Variants in ANO10 observed in about 807,000 individuals in gnomAD.
The protein encoded by ANO10 is anoctamin-10.
In ANO10, 77 loss-of-function variants were observed where a neutral mutation model predicts 74.7. The ratio of observed to expected loss-of-function variants is 1.03; its 90% confidence interval spans 0.86 to 1.25. The LOEUF (loss-of-function observed/expected upper bound fraction) is 1.25, where lower values mean the gene tolerates loss of function less well. ANO10 is among the 50% of genes most tolerant of loss of function. The probability of loss-of-function intolerance (pLI) is 0.00; values close to 1 mark genes in which losing one functional copy is unlikely to be tolerated. For synonymous variants in ANO10, 279 were observed against 284.9 expected (o/e 0.98, Z 0.21); for missense variants, 721 against 778.1 (o/e 0.93, Z 0.87).
At chr3:43,453,115 G>A (rs1488065091) in intron 11 of ANO10, among the ~76,000 whole-genome samples, 1 of 151,328 alleles carries the variant, frequency 6.6e-6, no homozygotes, top group Non-Finnish European at 1.5e-5. Flanking sequence ...CAACCTTTCT[G>A]TGGTGTCCTT....
chr3:43,541,810 T>C (rs540245494), intron 11 of ANO10, among the ~76,000 whole-genome samples: 3 of 152,344 alleles, frequency 2.0e-5, no homozygotes, highest in African/African-American at 7.2e-5. Flanking sequence ...AGCCACGTGA[T>C]TGTCATACAG....
chr3:43,643,167 G>C (rs1394645282), intron 1 of ANO10, among the ~76,000 whole-genome samples: 1 of 151,582 alleles, frequency 6.6e-6, no homozygotes, highest in Non-Finnish European at 1.5e-5. Context: ...GAGTAGCTGG[G>C]ACTACAGGCA....
chr3:43,552,696 GGATATATA>G (rs1371159755), intron 10 of ANO10, among the ~76,000 whole-genome samples: 864 of 51,146 alleles, frequency 0.017, 13 homozygotes, highest in Non-Finnish European at 0.026. Context: ...TATTATCTCT[GGATATATA>G]TATATATATA....
At chr3:43,600,923 A>C (rs914849576) in intron 2 of ANO10, among the ~76,000 whole-genome samples, 2 of 152,218 alleles carry the variant, frequency 1.3e-5, no homozygotes, top group African/African-American at 4.8e-5. Flanking sequence ...AAATAGACGA[A>C]AATTTAAGAA....
chr3:43,635,006 G>A (rs1259060132), intron 1 of ANO10, among the ~76,000 whole-genome samples: 1 of 152,108 alleles, frequency 6.6e-6, no homozygotes, highest in East Asian at 1.9e-4. Context: ...AGGAAAGCAT[G>A]GTGTGGACTA....
chr3:43,470,064 C>T (rs2075788554), intron 11 of ANO10, among the ~76,000 whole-genome samples: 1 of 152,134 alleles, frequency 6.6e-6, no homozygotes, highest in African/African-American at 2.4e-5. Context: ...CATAATTGCC[C>T]AAACTGGAAG....
intron 11 of ANO10, among the ~76,000 whole-genome samples, chr3:43,451,085 T>C (rs1479606622): frequency 3.3e-5 from 5 of 152,212 alleles, no homozygotes; most frequent in African/African-American, 4.8e-5. Flanking sequence ...TTACTTTGAA[T>C]CATGGTCCCT....
chr3:43,640,421 T>C (rs188683209), intron 1 of ANO10, among the ~76,000 whole-genome samples: 1 of 152,118 alleles, frequency 6.6e-6, no homozygotes, highest in Admixed American at 6.6e-5. Flanking sequence ...AGTGGAGAAC[T>C]TGCCATCTTT....
chr3:43,669,256 AG>A (rs2084027157), intron 1 of ANO10, among the ~76,000 whole-genome samples: 1 of 152,192 alleles, frequency 6.6e-6, no homozygotes, highest in African/African-American at 2.4e-5. Flanking sequence ...TAAAAGGAAC[AG>A]AATCCTCCAG....
intron 1 of ANO10, among the ~76,000 whole-genome samples, chr3:43,630,682 C>A (rs924831278): frequency 9.9e-5 from 15 of 152,190 alleles, no homozygotes; most frequent in African/African-American, 3.1e-4. Context: ...ATTCATTTCC[C>A]TAAGACTGCT....
At chr3:43,562,785 T>C (rs908317566) in intron 8 of ANO10, among the ~76,000 whole-genome samples, 8 of 152,008 alleles carry the variant, frequency 5.3e-5, no homozygotes, top group African/African-American at 1.7e-4. Flanking sequence ...TAGACCCCTC[T>C]CTATCACCAC....
At chr3:43,385,021 T>C (rs1188994200) in intron 12 of ANO10, among the ~76,000 whole-genome samples, 5 of 152,002 alleles carry the variant, frequency 3.3e-5, no homozygotes, top group Non-Finnish European at 7.4e-5. Context: ...AATCTATATA[T>C]ACAACCAACA....
chr3:43,411,746 T>C, intron 12 of ANO10, among the ~76,000 whole-genome samples: 1 of 152,196 alleles, frequency 6.6e-6, no homozygotes. Flanking sequence ...CATCTAAAAA[T>C]GCCTCAGTCT....
At position 43,485,138 on chromosome 3, in the gene ANO10, C is replaced by G. The variant is rs546477141; in HGVS notation, c.1798-52411G>C. 9.4e-4 allele frequency: 778 copies of G among 828,166 alleles called. 11 individuals carry two copies. The highest frequency in any genetic ancestry group is 2.9e-3 in the South Asian group (203 of 70,990). 51.3% of individuals were successfully genotyped at this position (828,166 alleles called of 1,614,324 possible). On this transcript the variant is annotated intron_variant, in intron 11 of 12. Transcript: ENST00000292246. The stretch of plus-strand genomic sequence containing the variant: ...CTCCACCTTCATCTGGTGGAGTGAT[C>G]TGGATGGAGTGGGCCCTGGCGCGGT...
At chr3:43,635,126 T>C (rs1426492833) in intron 1 of ANO10, among the ~76,000 whole-genome samples, 1 of 152,192 alleles carries the variant, frequency 6.6e-6, no homozygotes, top group Non-Finnish European at 1.5e-5. Flanking sequence ...CTGCCAGTTA[T>C]GTCTTTCTTG....
At chr3:43,613,168 T>A (rs2082912776) in intron 1 of ANO10, among the ~76,000 whole-genome samples, 1 of 149,734 alleles carries the variant, frequency 6.7e-6, no homozygotes, top group Non-Finnish European at 1.5e-5. Context: ...CAAGACTCTG[T>A]CTCAAAAAAA....
intron 11 of ANO10, among the ~76,000 whole-genome samples, chr3:43,528,503 G>A (rs931713015): frequency 3.3e-5 from 5 of 151,920 alleles, no homozygotes; most frequent in Non-Finnish European, 5.9e-5. Context: ...GCTAAATTCA[G>A]TAAAGAAAAG....
chr3:43,578,348 A>G (rs2081107136), intron 5 of ANO10, among the ~76,000 whole-genome samples: 1 of 152,086 alleles, frequency 6.6e-6, no homozygotes, highest in Non-Finnish European at 1.5e-5. Flanking sequence ...AGATCCACCT[A>G]TGTCCCAGAT....
At chr3:43,553,838 A>G (rs571348372) in intron 10 of ANO10, among the ~76,000 whole-genome samples, 52 of 152,018 alleles carry the variant, frequency 3.4e-4, no homozygotes, top group African/African-American at 1.2e-3. Flanking sequence ...CCCAGCTGAT[A>G]ATTTCTTTTA....
Sources: gnomAD v4.1 joint callset for allele counts (sites outside exome capture counted in the v4.1 genomes callset) on GRCh38, gnomAD v4.1.1 for gene constraint, MANE v1.5 for transcripts, NCBI Gene and HGNC (gene_info 2026-07-23, HGNC 2026-07-21) for gene names.